The following STIL variants were observed in gnomAD, a reference collection of about 807,000 sequenced individuals.
The protein encoded by STIL is STIL centriolar assembly protein, also known as SCL-interrupting locus protein.
In STIL, 55 loss-of-function variants were observed where a neutral mutation model predicts 110.1. The observed-to-expected ratio is 0.50, with a 90% CI of 0.40 to 0.63. STIL has a LOEUF of 0.63. Among genes scored for constraint, STIL ranks in the 20% least tolerant of loss-of-function variants. The pLI is 0.00. For missense variants in STIL, 1,358 were observed against 1,530.0 expected, an observed-to-expected ratio of 0.89 and a Z score of 1.87; for synonymous variants, 481 against 530.0, an observed-to-expected ratio of 0.91 and a Z score of 1.27.
rs184844868 is a variant in STIL, at chr1:47,272,174, G to A, written c.2285C>T (p.Thr762Ile). 6.2e-7 allele frequency: 1 copy of A among 1,614,138 alleles called. No homozygotes were observed. Among genetic ancestry groups the A allele is most frequent in the African/African-American group, 1.3e-5 (1 of 75,044 alleles). The change falls in exon 13 of 17, where the codon ACA (threonine) becomes ATA (isoleucine). Residue 762 changes from threonine to isoleucine, a missense_variant. Thr to Ile is a moderately conservative substitution (Grantham distance 89). Transcript: ENST00000371877. ...CSPKTTAVEDTVQAGRQMELV... is the reference protein window; with the variant it reads ...CSPKTTAVEDIVQAGRQMELV... ...CTCCATTTGTCTTCCAGCTTGCACT[G>A]TGTCTTCAACAGCAGTTGTCTTAGG... is the stretch of plus-strand genomic sequence containing the variant.
chr1:47,277,909 A>G (rs1026127280), intron 12 of STIL, among the ~76,000 whole-genome samples: 2 of 152,186 alleles, frequency 1.3e-5, no homozygotes, highest in South Asian at 4.1e-4. Flanking sequence ...TTTGTATGTG[A>G]GAAAACTGAA....
In STIL at chr1:47,289,498, A is replaced by G; in HGVS notation, c.960T>C (p.Asp320=). Residue 320 remains aspartate (D), a synonymous_variant, in exon 9 of 17, where the codon GAT becomes GAC. Transcript: ENST00000371877. ...EPEFYECFPC[D]GKIPDFRFQL... is the part of the protein sequence containing the mutation. ...GAAACCGAAAGTCAGGTATCTTGCC[A>G]TCACAAGGGAAGCATTCATAAAACT... 6.2e-7 allele frequency: 1 copy of G among 1,613,902 alleles called. No homozygotes were observed. Among genetic ancestry groups the G allele is most frequent in the Admixed American group, 1.7e-5 (1 of 60,020 alleles).
intron 12 of STIL, among the ~76,000 whole-genome samples, chr1:47,274,846 T>G (rs904261080): frequency 8.5e-5 from 13 of 152,148 alleles, no homozygotes; most frequent in Admixed American, 8.5e-4. Context: ...GATACTTTCA[T>G]TATACAATAA....
intron 15 of STIL, among the ~76,000 whole-genome samples, chr1:47,261,079 G>A (rs1570036180): frequency 6.6e-6 from 1 of 151,924 alleles, no homozygotes; most frequent in South Asian, 2.1e-4. Context: ...TGCTTGTTCA[G>A]ACTTCATTCA....
At chr1:47,275,240 TA>T (rs78773079) in intron 12 of STIL, among the ~76,000 whole-genome samples, 1,573 of 146,870 alleles carry the variant, frequency 0.011, 9 homozygotes, top group East Asian at 0.029. Context: ...TCATCTGATT[TA>T]AAAAAAAAAA....
At chr1:47,307,332 G>A (rs1645990181) in intron 2 of STIL, among the ~76,000 whole-genome samples, 1 of 152,118 alleles carries the variant, frequency 6.6e-6, no homozygotes, top group Non-Finnish European at 1.5e-5. Context: ...GGAAGTCAGG[G>A]ACCCCAAATG....
intron 2 of STIL, among the ~76,000 whole-genome samples, chr1:47,307,605 G>T (rs1031180589): frequency 1.3e-5 from 2 of 152,030 alleles, no homozygotes; most frequent in African/African-American, 4.8e-5. Context: ...TAATAATTGC[G>T]TTAACTACAC....
Position 47,252,067 on chromosome 1 carries a change from T to C in STIL, c.3081-145A>G, listed in dbSNP as rs545952728. 6 of 861,674 alleles carry C rather than the reference T, an allele frequency of 7.0e-6. No homozygotes were observed. In the South Asian group the frequency reaches 9.2e-5, roughly 13 times the overall value. The allele number at this position is 861,674 out of a possible 1,614,324, so 53.4% of individuals were successfully genotyped here. ...ATCTAACTACTCAGACATCTAAGTC[T>C]TGATGATCCAGATACACAAAGGATA... On this transcript the variant is annotated intron_variant, in intron 16 of 16. Coordinates refer to ENST00000371877, the MANE Select transcript of STIL (RefSeq NM_001048166.1).
intron 16 of STIL, among the ~76,000 whole-genome samples, chr1:47,255,391 A>G (rs1449807279): frequency 6.6e-6 from 1 of 151,924 alleles, no homozygotes; most frequent in Non-Finnish European, 1.5e-5. Flanking sequence ...CATCTCTACA[A>G]ATAAAAATAA....
intron 14 of STIL, among the ~76,000 whole-genome samples, chr1:47,267,571 G>T (rs1327910038): frequency 1.3e-5 from 2 of 151,316 alleles, no homozygotes; most frequent in Non-Finnish European, 2.9e-5. Context: ...CAGGTGTGGT[G>T]GCCCGTGCCT....
chr1:47,256,638 A>C (rs1557701784), intron 16 of STIL, among the ~76,000 whole-genome samples: 2 of 150,952 alleles, frequency 1.3e-5, no homozygotes, highest in African/African-American at 4.9e-5. Context: ...AAAAAAAAAA[A>C]ATCTTGCTGA....
intron 16 of STIL, among the ~76,000 whole-genome samples, chr1:47,256,579 C>T (rs190668718): frequency 3.4e-5 from 5 of 147,842 alleles, no homozygotes; most frequent in Middle Eastern, 3.5e-3. Flanking sequence ...CAAGATCATG[C>T]CACTACACTC....
At chr1:47,256,199 C>A (rs967793405) in intron 16 of STIL, among the ~76,000 whole-genome samples, 4 of 152,132 alleles carry the variant, frequency 2.6e-5, no homozygotes, top group Non-Finnish European at 5.9e-5. Flanking sequence ...GTAAATACTA[C>A]AAAGACACTA....
chr1:47,306,086 A>G (rs539678071), intron 2 of STIL, among the ~76,000 whole-genome samples: 2 of 152,268 alleles, frequency 1.3e-5, no homozygotes, highest in African/African-American at 4.8e-5. Flanking sequence ...CCAGGAGAAT[A>G]GGCACTCAAA....
chr1:47,278,684 A>G (rs1209785233), intron 12 of STIL, among the ~76,000 whole-genome samples: 1 of 152,144 alleles, frequency 6.6e-6, no homozygotes, highest in Non-Finnish European at 1.5e-5. Flanking sequence ...ATTTTACATT[A>G]TGTGGGAGTG....
At position 47,293,905 on chromosome 1, in the gene STIL, C is replaced by T. The variant is rs544841952; in HGVS notation, c.786-361G>A. Among the ~76,000 whole-genome samples, 7 of 152,174 alleles carry T rather than the reference C, an allele frequency of 4.6e-5. No homozygotes were observed. In the South Asian group the frequency reaches 1.5e-3, roughly 32 times the overall value. ...ATTAGCTTGGACTGGAAAGAATGGG[C>T]TAAGGTAGTACAGACTAATTTGCAG... On this transcript the variant is annotated intron_variant, in intron 7 of 16. Coordinates refer to ENST00000371877, the MANE Select transcript of STIL (RefSeq NM_001048166.1).
At chr1:47,307,219 G>T (rs1258417092) in intron 2 of STIL, among the ~76,000 whole-genome samples, 1 of 152,166 alleles carries the variant, frequency 6.6e-6, no homozygotes, top group Admixed American at 6.6e-5. Flanking sequence ...TACTCAGGAG[G>T]CTGAGGCATG....
At chr1:47,289,983 A>C (rs761102913) in intron 8 of STIL, among the ~76,000 whole-genome samples, 1 of 151,876 alleles carries the variant, frequency 6.6e-6, no homozygotes. Flanking sequence ...ATTCAAAATT[A>C]ATTTTACTGA....
rs1645806575 is a variant in STIL, at chr1:47,301,597, T to C, written c.417A>G (p.Ile139Met). ...HTQELCSREM[I>M]VHSVDDFSSA... ...AACTGAAGTCATCTACACTGTGAAC[T>C]ATCATTTCTCTTGAACAAAGTTCTT... Residue 139 changes from isoleucine (I) to methionine (M), a missense_variant, in exon 5 of 17, where the codon ATA becomes ATG. Coordinates refer to ENST00000371877, the MANE Select transcript of STIL (RefSeq NM_001048166.1). 1 of 1,613,968 alleles carries C rather than the reference T, an allele frequency of 6.2e-7. No homozygotes were observed.
Sources: allele counts gnomAD v4.1 joint callset (sites outside exome capture counted in the v4.1 genomes callset), GRCh38; gene constraint gnomAD v4.1.1; transcripts MANE v1.5; gene names NCBI Gene and HGNC (gene_info 2026-07-23, HGNC 2026-07-21).